ZFAT: variants seen among roughly 807,000 people sequenced by gnomAD.
ZFAT encodes zinc finger protein ZFAT.
Under a neutral mutation model 117.7 loss-of-function variants are expected in ZFAT, and 64 were observed. The observed-to-expected ratio is 0.54, with a 90% CI of 0.44 to 0.67. ZFAT has a LOEUF of 0.67. ZFAT is among the 30% of genes least tolerant of loss of function. The pLI is 0.00. For synonymous variants in ZFAT, 679 were observed against 615.0 expected (o/e 1.10, Z -1.54); for missense variants, 1,433 against 1,584.5 (o/e 0.90, Z 1.62).
intron 15 of ZFAT, among the ~76,000 whole-genome samples, chr8:134,488,866 G>A (rs1003854885): frequency 3.3e-5 from 5 of 152,006 alleles, no homozygotes; most frequent in African/African-American, 7.3e-5. Flanking sequence ...TAAAGAGATG[G>A]GGAAAAGCAC....
chr8:134,533,564 G>A (rs896547878), intron 11 of ZFAT, among the ~76,000 whole-genome samples: 3 of 152,188 alleles, frequency 2.0e-5, no homozygotes, highest in South Asian at 2.1e-4. Flanking sequence ...TCAGTGATGC[G>A]TCACTGTATT....
At chr8:134,554,906 G>A (rs1823448932) in intron 11 of ZFAT, among the ~76,000 whole-genome samples, 1 of 152,190 alleles carries the variant, frequency 6.6e-6, no homozygotes, top group African/African-American at 2.4e-5. Context: ...CAACCCTAGA[G>A]TTGTTCAGAG....
chr8:134,739,854 G>C, the ZFAT span, among the ~76,000 whole-genome samples: 1 of 152,216 alleles, frequency 6.6e-6, no homozygotes, highest in Non-Finnish European at 1.5e-5. Flanking sequence ...GCTTTCTCTG[G>C]CCACTGGAGA....
intron 1 of ZFAT, among the ~76,000 whole-genome samples, chr8:134,695,303 C>T (rs1411549353): frequency 6.6e-6 from 1 of 152,190 alleles, no homozygotes; most frequent in Non-Finnish European, 1.5e-5. Context: ...TGAGCAAATC[C>T]CACACCCCTT....
the ZFAT span, chr8:134,798,254 G>A: frequency 6.6e-6 from 1 of 151,828 alleles, no homozygotes; most frequent in East Asian, 1.9e-4. Context: ...AAAAGTTCAA[G>A]TTTAATTTCA....
At chr8:134,823,127 C>A in the ZFAT span, among the ~76,000 whole-genome samples, 1 of 152,068 alleles carries the variant, frequency 6.6e-6, no homozygotes, top group Non-Finnish European at 1.5e-5. Flanking sequence ...ATGATAAGCT[C>A]AGAAATCAGG....
chr8:134,754,183 G>T, the ZFAT span, among the ~76,000 whole-genome samples: 1 of 152,218 alleles, frequency 6.6e-6, no homozygotes, highest in Non-Finnish European at 1.5e-5. Context: ...ATCGCCTACA[G>T]GCAGGATGAG....
At chr8:134,571,877 T>C (rs1198020866) in intron 10 of ZFAT, among the ~76,000 whole-genome samples, 1 of 152,202 alleles carries the variant, frequency 6.6e-6, no homozygotes, top group Non-Finnish European at 1.5e-5. Flanking sequence ...ACTTTCTTAT[T>C]TCTGGTACAA....
At chr8:134,725,907 G>A in the ZFAT span, among the ~76,000 whole-genome samples, 2,140 of 152,224 alleles carry the variant, frequency 0.014, 24 homozygotes, top group Non-Finnish European at 0.023. Flanking sequence ...GCGGTCAACT[G>A]TTCATTAATC....
the ZFAT span, among the ~76,000 whole-genome samples, chr8:134,719,412 T>C: frequency 6.6e-6 from 1 of 152,214 alleles, no homozygotes; most frequent in East Asian, 1.9e-4. Context: ...GCGAATCAAG[T>C]GGTTTCAGCC....
intron 2 of ZFAT, among the ~76,000 whole-genome samples, chr8:134,649,289 C>T (rs896512543): frequency 6.6e-6 from 1 of 151,840 alleles, no homozygotes; most frequent in African/African-American, 2.4e-5. Flanking sequence ...TTCCACTCAA[C>T]CCTGTACTGG....
chr8:134,577,034 T>G (rs1452732829), intron 10 of ZFAT, among the ~76,000 whole-genome samples: 1 of 152,210 alleles, frequency 6.6e-6, no homozygotes, highest in Non-Finnish European at 1.5e-5. Context: ...CTTCCCCATC[T>G]GCTATGGGTG....
chr8:134,796,230 G>C, the ZFAT span: 6 of 152,326 alleles, frequency 3.9e-5, no homozygotes, highest in African/African-American at 1.4e-4. Flanking sequence ...AATCACACTT[G>C]AGGAGGGGGA....
intron 3 of ZFAT, 127 bp from the exon 4 acceptor site, chr8:134,610,782 C>A (rs929171188): frequency 1.9e-6 from 2 of 1,058,388 alleles, no homozygotes. Context: ...GCCACGCAGA[C>A]CACGGAATCA....
intron 11 of ZFAT, among the ~76,000 whole-genome samples, chr8:134,550,323 A>AC (rs1823052796): frequency 1.3e-5 from 2 of 150,454 alleles, no homozygotes; most frequent in South Asian, 2.1e-4. Flanking sequence ...AAAAAAAAAA[A>AC]AAAAAAAAAC....
the ZFAT span, among the ~76,000 whole-genome samples, chr8:134,772,934 CA>C: frequency 6.6e-6 from 1 of 151,022 alleles, no homozygotes; most frequent in East Asian, 1.9e-4. Context: ...ACAACAACAA[CA>C]AAAAAAACTA....
chr8:134,551,298 G>A (rs1346901617), intron 11 of ZFAT, among the ~76,000 whole-genome samples: 1 of 152,214 alleles, frequency 6.6e-6, no homozygotes, highest in Admixed American at 6.5e-5. Flanking sequence ...GGGCCTCAGT[G>A]TCCTAATCCG....
chr8:134,642,224 C>T (rs1309469981), intron 2 of ZFAT, among the ~76,000 whole-genome samples: 2 of 152,182 alleles, frequency 1.3e-5, no homozygotes, highest in African/African-American at 4.8e-5. Context: ...AATGTATCTG[C>T]AGAATCACAT....
At chr8:134,674,498 T>C (rs1330706308) in intron 1 of ZFAT, among the ~76,000 whole-genome samples, 1 of 152,194 alleles carries the variant, frequency 6.6e-6, no homozygotes, top group Non-Finnish European at 1.5e-5. Flanking sequence ...TCGAACTGCA[T>C]GGAGCCCACC....
Sources: allele counts gnomAD v4.1 joint callset (sites outside exome capture counted in the v4.1 genomes callset), GRCh38; gene constraint gnomAD v4.1.1; transcripts MANE v1.5; gene names NCBI Gene and HGNC (gene_info 2026-07-23, HGNC 2026-07-21).